COL25A1: variants seen among roughly 807,000 people sequenced by gnomAD.
The protein encoded by COL25A1 is collagen alpha-1(XXV) chain.
In COL25A1, 103 loss-of-function variants were observed where a neutral mutation model predicts 128.4. The observed-to-expected ratio is 0.80, with a 90% CI of 0.68 to 0.94. The LOEUF is 0.94. Among genes scored for constraint, COL25A1 ranks in the 40% least tolerant of loss-of-function variants. The pLI, the probability that COL25A1 is intolerant of heterozygous loss-of-function variation, is 0.00. For synonymous variants in COL25A1, 279 were observed against 277.2 expected (o/e 1.01, Z -0.06); for missense variants, 745 against 840.0 (o/e 0.89, Z 1.40).
At chr4:108,894,431 G>C (rs2125853304) in intron 16 of COL25A1, among the ~76,000 whole-genome samples, 1 of 151,894 alleles carries the variant, frequency 6.6e-6, no homozygotes, top group African/African-American at 2.4e-5. Context: ...TGGTAACTAT[G>C]GCCAAATTCA....
chr4:108,857,537 G>T (rs1736669325), intron 24 of COL25A1, among the ~76,000 whole-genome samples: 1 of 148,398 alleles, frequency 6.7e-6, no homozygotes, highest in Non-Finnish European at 1.5e-5. Context: ...TAATGAAAAG[G>T]CCAAAAAATA....
rs572865229 is a variant in COL25A1 at position 108,955,570 on chromosome 4, A to C, written c.493-14133T>G. On this transcript the variant is annotated intron_variant, in intron 8 of 37. Coordinates refer to ENST00000399132, the MANE Select transcript of COL25A1 (RefSeq NM_198721.4). ...GATTACAAATAAGGAAGGAAATAAA[A>C]AAGGAAGTGAAAGTCAATCCAAGGA... Among the ~76,000 whole-genome samples, 4 of 152,298 alleles carry C rather than the reference A, an allele frequency of 2.6e-5. No individual in the cohort carries two copies. In the East Asian group the frequency reaches 7.7e-4, roughly 29 times the overall value.
chr4:109,012,032 T>C (rs1756642135), intron 5 of COL25A1, among the ~76,000 whole-genome samples: 1 of 152,198 alleles, frequency 6.6e-6, no homozygotes, highest in Non-Finnish European at 1.5e-5. Flanking sequence ...TGTTCATTTG[T>C]TATAGGGTCT....
chr4:109,269,875 T>C (rs1294758415), intron 3 of COL25A1, among the ~76,000 whole-genome samples: 1 of 152,134 alleles, frequency 6.6e-6, no homozygotes, highest in Non-Finnish European at 1.5e-5. Flanking sequence ...TCCACCATGA[T>C]CAAGTGGGCT....
chr4:108,953,109 A>C (rs1470262129), intron 8 of COL25A1, among the ~76,000 whole-genome samples: 1 of 152,038 alleles, frequency 6.6e-6, no homozygotes, highest in African/African-American at 2.4e-5. Context: ...ATCCACCCTA[A>C]ATAAGGTTTA....
chr4:109,006,279 T>C (rs1269240821), intron 6 of COL25A1, among the ~76,000 whole-genome samples: 1 of 151,596 alleles, frequency 6.6e-6, no homozygotes, highest in Non-Finnish European at 1.5e-5. Context: ...AGTGGAGCTA[T>C]CTTGGCTCAC....
At chr4:109,262,093 A>T (rs1578578643) in intron 3 of COL25A1, among the ~76,000 whole-genome samples, 1 of 152,192 alleles carries the variant, frequency 6.6e-6, no homozygotes, top group Non-Finnish European at 1.5e-5. Flanking sequence ...AAGTGGTTAG[A>T]GAACATGCCT....
At chr4:108,925,826 C>T (rs1169317255) in intron 11 of COL25A1, among the ~76,000 whole-genome samples, 2 of 152,114 alleles carry the variant, frequency 1.3e-5, no homozygotes, top group Non-Finnish European at 2.9e-5. Context: ...CAGGTCATGA[C>T]TTCCATATGA....
Position 108,844,530 on chromosome 4 carries a change from G to A in COL25A1, c.1618C>T (p.Pro540Ser), listed in dbSNP as rs770658179. Residue 540 changes from proline to serine, a missense_variant, in exon 30 of 38, where the codon CCT (proline) becomes TCT (serine). Pro to Ser is a moderately conservative substitution (Grantham distance 74). This residue lies in a region of COL25A1 where 387 missense variants were observed against 441.9 expected (regional missense o/e 0.88). Transcript: ENST00000399132. The part of the protein sequence containing the change: ...PPGPPGPHGP[P>S]GPMGPHGLPG... ...GAAGGGAAACTTACCATGGGGCCAGGTGGGCCATGGGGACCTGGTGGGCCT... is the reference window on the plus strand; with the variant it reads ...GAAGGGAAACTTACCATGGGGCCAGATGGGCCATGGGGACCTGGTGGGCCT... 3 of 1,613,786 alleles carry A rather than the reference G, an allele frequency of 1.9e-6. No homozygotes were observed. The highest frequency in any genetic ancestry group is 2.2e-5 in the East Asian group (1 of 44,882).
At chr4:108,983,854 A>C (rs1242070687) in intron 6 of COL25A1, among the ~76,000 whole-genome samples, 1 of 152,066 alleles carries the variant, frequency 6.6e-6, no homozygotes, top group Non-Finnish European at 1.5e-5. Flanking sequence ...GGCAGTGTGG[A>C]CCCGAAGAGT....
At chr4:109,010,489 T>C in intron 5 of COL25A1, 114 bp from the exon 6 acceptor site, 1 of 703,440 alleles carries the variant, frequency 1.4e-6, no homozygotes, top group Non-Finnish European at 2.3e-6. Flanking sequence ...CTGAAGATAA[T>C]ATCCTAACTA....
chr4:109,031,192 A>C (rs1417525500), intron 5 of COL25A1, among the ~76,000 whole-genome samples: 1 of 152,158 alleles, frequency 6.6e-6, no homozygotes, highest in Non-Finnish European at 1.5e-5. Flanking sequence ...GCTCACTGCA[A>C]GCTCCACCTC....
At chr4:109,013,601 C>G (rs1459810213) in intron 5 of COL25A1, among the ~76,000 whole-genome samples, 1 of 152,152 alleles carries the variant, frequency 6.6e-6, no homozygotes, top group Non-Finnish European at 1.5e-5. Flanking sequence ...TGCAGCTTCA[C>G]TCCTGAGGCC....
chr4:109,214,083 T>A (rs1002528718), intron 3 of COL25A1, among the ~76,000 whole-genome samples: 1 of 152,112 alleles, frequency 6.6e-6, no homozygotes, highest in East Asian at 1.9e-4. Context: ...TGACATCTAT[T>A]GGTAAGATTA....
intron 16 of COL25A1, among the ~76,000 whole-genome samples, chr4:108,891,336 T>C (rs1461824317): frequency 2.0e-5 from 3 of 152,108 alleles, no homozygotes; most frequent in Admixed American, 2.0e-4. Context: ...TAACTAAACA[T>C]AAAAAACAAG....
intron 24 of COL25A1, 36 bp from the exon 25 acceptor site, chr4:108,852,961 C>T (rs1445461399): frequency 6.3e-7 from 1 of 1,591,894 alleles, no homozygotes. Flanking sequence ...ACAGAGTTAT[C>T]TATTTTGTGT....
chr4:109,215,546 C>G (rs1031710780), intron 3 of COL25A1, among the ~76,000 whole-genome samples: 10 of 152,136 alleles, frequency 6.6e-5, no homozygotes, highest in African/African-American at 2.4e-4. Flanking sequence ...TAGAATATGT[C>G]TTTAAAACAA....
chr4:108,867,151 G>A (rs1738037557), intron 20 of COL25A1, among the ~76,000 whole-genome samples: 1 of 152,186 alleles, frequency 6.6e-6, no homozygotes, highest in Non-Finnish European at 1.5e-5. Context: ...AAGATATTTA[G>A]GAATGAACTT....
At chr4:108,842,062 A>C (rs1249401786) in intron 30 of COL25A1, among the ~76,000 whole-genome samples, 3 of 152,186 alleles carry the variant, frequency 2.0e-5, no homozygotes, top group Non-Finnish European at 4.4e-5. Flanking sequence ...GAGATGCTTC[A>C]TGAGTTTAAA....
Sources: allele counts gnomAD v4.1 joint callset (sites outside exome capture counted in the v4.1 genomes callset), GRCh38; gene constraint gnomAD v4.1.1; regional missense constraint gnomAD v4.1.1; transcripts MANE v1.5; gene names NCBI Gene and HGNC (gene_info 2026-07-23, HGNC 2026-07-21).